The following PARD3B variants were observed in gnomAD, a reference collection of about 807,000 sequenced individuals.
PARD3B encodes par-3 family cell polarity regulator beta, also known as partitioning defective 3 homolog B.
PARD3B carries 103 observed loss-of-function variants against 130.2 expected under a neutral mutation model. That is an observed-to-expected ratio of 0.79 (90% CI 0.67 to 0.93). The LOEUF (loss-of-function observed/expected upper bound fraction) is 0.93. Among genes scored for constraint, PARD3B ranks in the 40% least tolerant of loss-of-function variants. The pLI is 0.00. For synonymous variants in PARD3B, 583 were observed against 553.2 expected (o/e 1.05, Z -0.76); for missense variants, 1,609 against 1,499.2 (o/e 1.07, Z -1.21).
chr2:204,779,160 T>G (rs1382547352), intron 2 of PARD3B, among the ~76,000 whole-genome samples: 1 of 152,092 alleles, frequency 6.6e-6, no homozygotes, highest in Non-Finnish European at 1.5e-5. Context: ...TGATAAATTA[T>G]TTTTTTCCTC....
chr2:204,837,406 TA>T (rs1184339887), intron 2 of PARD3B, among the ~76,000 whole-genome samples: 1 of 151,224 alleles, frequency 6.6e-6, no homozygotes, highest in African/African-American at 2.4e-5. Context: ...TTTATTCTCT[TA>T]AAAAATAAAA....
intron 19 of PARD3B, among the ~76,000 whole-genome samples, chr2:205,406,037 C>T (rs909790893): frequency 1.3e-5 from 2 of 152,118 alleles, no homozygotes; most frequent in Non-Finnish European, 2.9e-5. Context: ...TGGAATATCC[C>T]GTGCCTCTCT....
chr2:205,142,705 C>G lies in PARD3B; in HGVS notation c.1435-16017C>G, dbSNP rs970482581. Among the ~76,000 whole-genome samples the G allele has an allele frequency of 6.6e-6, 1 of 151,866 alleles. No individual in the cohort carries two copies. Among genetic ancestry groups the G allele is most frequent in the Non-Finnish European group, 1.5e-5 (1 of 67,984 alleles). On this transcript the variant is annotated intron_variant, in intron 10 of 22. Transcript: ENST00000406610. The surrounding 1 kb of genome is among the most constrained non-coding windows in gnomAD (Gnocchi z 4.3). The stretch of plus-strand genomic sequence containing the variant: ...CCAACCTGGTCAACATGGTGAAACC[C>G]CGTCTCTACTAAAAATACAAAAATT...
At chr2:205,030,300 T>C (rs1697326606) in intron 3 of PARD3B, among the ~76,000 whole-genome samples, 1 of 152,150 alleles carries the variant, frequency 6.6e-6, no homozygotes, top group African/African-American at 2.4e-5. Context: ...AATTTAGCAA[T>C]GACCAAGCGA....
At chr2:205,455,436 T>C (rs995762056) in intron 20 of PARD3B, among the ~76,000 whole-genome samples, 2 of 152,122 alleles carry the variant, frequency 1.3e-5, no homozygotes, top group Admixed American at 1.3e-4. Flanking sequence ...TGCTGATATG[T>C]GAGCATTTAC....
intron 18 of PARD3B, among the ~76,000 whole-genome samples, chr2:205,363,564 A>G (rs1304319513): frequency 1.3e-5 from 2 of 152,200 alleles, no homozygotes; most frequent in Non-Finnish European, 2.9e-5. Flanking sequence ...GAATAAGACC[A>G]GACATAGAAA....
At position 205,121,553 on chromosome 2, in the gene PARD3B, A is replaced by G; in HGVS notation, c.807-38A>G. On this transcript the variant is annotated intron_variant, in intron 7 of 22. Coordinates refer to ENST00000406610, the MANE Select transcript of PARD3B (RefSeq NM_001302769.2). The surrounding 1 kb of genome is among the most constrained non-coding windows in gnomAD (Gnocchi z 5.0). Reference sequence around the variant, plus strand: ...GTACTTTAGAAGATGCTGCACCTCAAAGCAGGGTCATCATACATTTATCAA... The same window carrying G: ...GTACTTTAGAAGATGCTGCACCTCAGAGCAGGGTCATCATACATTTATCAA... 1 of 1,575,770 alleles carries G rather than the reference A, an allele frequency of 6.3e-7. No homozygotes were observed. The highest frequency in any genetic ancestry group is 1.1e-5 in the South Asian group (1 of 87,394).
chr2:205,192,812 G>A (rs889706096), intron 14 of PARD3B, among the ~76,000 whole-genome samples: 2 of 152,168 alleles, frequency 1.3e-5, no homozygotes, highest in Non-Finnish European at 2.9e-5. Context: ...TTTTAAAATA[G>A]GCATAGCTTA....
In PARD3B at chr2:205,254,868, G is replaced by T. The variant is rs187939308; in HGVS notation, c.2185+9046G>T. ...TTTAGTAGAGACGGGGTTTCACCAT[G>T]TTGGTCAGGATGGTCTCGATCTCCT... On this transcript the variant is annotated intron_variant, in intron 16 of 22. Transcript: ENST00000406610. Among the ~76,000 whole-genome samples, 4 of 151,732 alleles carry T rather than the reference G, an allele frequency of 2.6e-5. No homozygotes were observed. In the South Asian group the frequency reaches 8.4e-4, roughly 32 times the overall value.
intron 2 of PARD3B, among the ~76,000 whole-genome samples, chr2:204,844,030 A>G (rs1323354123): frequency 6.6e-6 from 1 of 152,188 alleles, no homozygotes; most frequent in Non-Finnish European, 1.5e-5. Context: ...AGATGGATTT[A>G]GCAAATTAAC....
intron 4 of PARD3B, among the ~76,000 whole-genome samples, chr2:205,067,115 TTTTTTTTTTG>T (rs1700439578): frequency 7.6e-6 from 1 of 132,252 alleles, no homozygotes. Flanking sequence ...TTTTTTTTTT[TTTTTTTTTTG>T]GTTTATAGGC....
intron 1 of PARD3B, among the ~76,000 whole-genome samples, chr2:204,682,599 C>T (rs1400984989): frequency 6.6e-6 from 1 of 152,192 alleles, no homozygotes; most frequent in Non-Finnish European, 1.5e-5. Flanking sequence ...CATTAAGCCA[C>T]CAGGAAACCA....
chr2:204,816,258 A>G (rs1559167736), intron 2 of PARD3B, among the ~76,000 whole-genome samples: 2 of 151,992 alleles, frequency 1.3e-5, no homozygotes, highest in African/African-American at 4.8e-5. Context: ...CAACATTACT[A>G]TTATTTATGT....
At chr2:205,047,457 C>A in intron 3 of PARD3B, 124 bp from the exon 4 acceptor site, 4 of 571,980 alleles carry the variant, frequency 7.0e-6, no homozygotes, top group South Asian at 5.1e-5. Context: ...TACAAGCATC[C>A]TTAGAAATAG....
intron 4 of PARD3B, among the ~76,000 whole-genome samples, chr2:205,049,384 T>A (rs567616905): frequency 6.6e-6 from 1 of 152,202 alleles, no homozygotes; most frequent in Non-Finnish European, 1.5e-5. Flanking sequence ...CCATCAAATC[T>A]CATAAGAACT....
At chr2:204,923,092 G>A (rs6709915) in intron 2 of PARD3B, among the ~76,000 whole-genome samples, 34,462 of 151,952 alleles carry the variant, frequency 0.23, 4,331 homozygotes, top group Non-Finnish European at 0.28. Flanking sequence ...GATTTTGAAA[G>A]TTAGATTAGT....
At chr2:204,814,715 T>G (rs918784724) in intron 2 of PARD3B, among the ~76,000 whole-genome samples, 1 of 151,860 alleles carries the variant, frequency 6.6e-6, no homozygotes, top group African/African-American at 2.4e-5. Context: ...TGGATCCCTT[T>G]TTCCAGTTTC....
intron 3 of PARD3B, among the ~76,000 whole-genome samples, chr2:204,990,842 T>C (rs2125240270): frequency 6.6e-6 from 1 of 152,312 alleles, no homozygotes; most frequent in African/African-American, 2.4e-5. Context: ...TTTCATAATT[T>C]TGTCTGTTTA....
At position 204,965,326 on chromosome 2, in the gene PARD3B, A is replaced by G. The variant is rs764919487; in HGVS notation, c.394+3A>G. ...AACCCCTTCTGCTCTAAAACTAGGT[A>G]TGTGTAATGTTTATGATATTCTTTT... On this transcript the variant is annotated splice_donor_region_variant and intron_variant, in intron 3 of 22. Transcript: ENST00000406610. 4.3e-6 allele frequency: 7 copies of G among 1,612,970 alleles called. No homozygotes were observed. The highest frequency in any genetic ancestry group is 5.9e-6 in the Non-Finnish European group (7 of 1,179,266).
Sources: gnomAD v4.1 joint callset for allele counts (sites outside exome capture counted in the v4.1 genomes callset) on GRCh38, gnomAD v4.1.1 for gene constraint, Gnocchi (gnomAD v3.1) non-coding constraint, MANE v1.5 for transcripts, NCBI Gene and HGNC (gene_info 2026-07-23, HGNC 2026-07-21) for gene names.